The following DNAH17 variants were observed in gnomAD, a reference collection of about 807,000 sequenced individuals.
DNAH17 encodes dynein axonemal heavy chain 17.
Under a neutral mutation model 485.6 loss-of-function variants are expected in DNAH17, and 376 were observed. That is an observed-to-expected ratio of 0.77 (90% CI 0.71 to 0.84). The LOEUF (loss-of-function observed/expected upper bound fraction) is 0.84, where lower values mean the gene tolerates loss of function less well. Ranked by LOEUF, DNAH17 falls within the 40% of genes least tolerant of loss-of-function variation. DNAH17 has a pLI of 0.00. For missense variants in DNAH17, 6,370 were observed against 5,839.3 expected (o/e 1.09, Z -2.96); for synonymous variants, 3,031 against 2,405.9 (o/e 1.26, Z -7.60).
chr17:78,548,003 A>G (rs1268120755), intron 16 of DNAH17, among the ~76,000 whole-genome samples: 1 of 152,080 alleles, frequency 6.6e-6, no homozygotes, highest in African/African-American at 2.4e-5. Flanking sequence ...CCCTTTGCAT[A>G]TTAGCAATTT....
intron 16 of DNAH17, among the ~76,000 whole-genome samples, chr17:78,544,320 G>A (rs2091690866): frequency 6.6e-6 from 1 of 152,336 alleles, no homozygotes; most frequent in African/African-American, 2.4e-5. Flanking sequence ...TCTTTAGGGG[G>A]ACGGAAGGAC....
intron 54 of DNAH17, among the ~76,000 whole-genome samples, chr17:78,474,856 C>T (rs140291784): frequency 1.3e-5 from 2 of 150,668 alleles, no homozygotes; most frequent in South Asian, 2.1e-4. Context: ...CTCAGTCATG[C>T]GGGCCGGAAG....
chr17:78,453,330 GGA>G lies in DNAH17; in HGVS notation c.10529+11_10529+12del. ...TTTACCTGGCTCAAGCCACGGAGGC[GGA>G]AACAACTCACTTTCCCTTTTTAATC... On this transcript the variant is annotated intron_variant, in intron 65 of 80. Coordinates refer to ENST00000389840, the MANE Select transcript of DNAH17 (RefSeq NM_173628.4). 6.2e-7 allele frequency: 1 copy of G among 1,612,124 alleles called. No individual in the cohort carries two copies. The highest frequency in any genetic ancestry group is 8.5e-7 in the Non-Finnish European group (1 of 1,178,978).
At chr17:78,517,219 T>G (rs932415928) in intron 25 of DNAH17, among the ~76,000 whole-genome samples, 13 of 152,032 alleles carry the variant, frequency 8.6e-5, no homozygotes, top group African/African-American at 2.9e-4. Flanking sequence ...AATTTTTATA[T>G]TTTTAGTAGA....
intron 69 of DNAH17, among the ~76,000 whole-genome samples, chr17:78,448,098 G>A (rs955399480): frequency 3.9e-5 from 6 of 151,982 alleles, no homozygotes; most frequent in African/African-American, 7.2e-5. Context: ...CTTGAACCCG[G>A]GAGGTGGAGG....
chr17:78,515,057 T>C, intron 25 of DNAH17, 35 bp from the exon 26 acceptor site: 3 of 1,609,230 alleles, frequency 1.9e-6, no homozygotes, highest in South Asian at 2.2e-5. Flanking sequence ...CCTTCCACTC[T>C]CATCAAGGAG....
At chr17:78,543,792 G>C in intron 17 of DNAH17, 65 bp downstream of exon 17, 1 of 1,608,136 alleles carries the variant, frequency 6.2e-7, no homozygotes, top group Non-Finnish European at 8.5e-7. Context: ...CCAGCCCTGG[G>C]TTTACTCTCT....
chr17:78,570,192 G>A lies in DNAH17; in HGVS notation c.1044+55C>T, dbSNP rs910729736. The stretch of plus-strand genomic sequence containing the variant: ...GGCAGCAGGAAAACAGTGAACCGGG[G>A]AGGGGACCCAGCCAGGAGGGGAGGA... On this transcript the variant is annotated intron_variant, in intron 7 of 80. Coordinates refer to ENST00000389840, the MANE Select transcript of DNAH17 (RefSeq NM_173628.4). 3.3e-6 allele frequency: 5 copies of A among 1,522,420 alleles called. No individual in the cohort carries two copies. In the African/African-American group the frequency reaches 5.5e-5, roughly 17 times the overall value. The allele number at this position is 1,522,420 out of a possible 1,614,324, so 94.3% of individuals were successfully genotyped here. A position where few individuals can be genotyped will look rare whatever the true frequency, so the allele number is the denominator to read the frequency against.
chr17:78,502,344 C>A, intron 33 of DNAH17: 1 of 402,082 alleles, frequency 2.5e-6, no homozygotes, highest in Non-Finnish European at 4.4e-6. Flanking sequence ...TAGCATCTGC[C>A]AATTTTCAGG....
Position 78,460,341 on chromosome 17 carries a change from TGTGCATGTGTGTGCATGTATGCAC to T in DNAH17, c.9340-108_9340-85del, listed in dbSNP as rs372752672. 10 of 936,498 alleles carry T rather than the reference TGTGCATGTGTGTGCATGTATGCAC, an allele frequency of 1.1e-5. No individual in the cohort carries two copies. The African/African-American group carries it at 1.3e-4, about 12-fold the overall frequency. The allele number at this position is 936,498 out of a possible 1,614,324, so 58.0% of individuals were successfully genotyped here. A position where few individuals can be genotyped will look rare whatever the true frequency, so the allele number is the denominator to read the frequency against. The stretch of plus-strand genomic sequence containing the variant: ...GTGTACGTGCATGTGTGTGCATGTG[TGTGCATGTGTGTGCATGTATGCAC>T]GTGCATGAGTGTATGTGTGCATATA... On this transcript the variant is annotated intron_variant, in intron 58 of 80. Transcript: ENST00000389840.
At chr17:78,465,840 C>A (rs551057804) in intron 56 of DNAH17, among the ~76,000 whole-genome samples, 1 of 151,194 alleles carries the variant, frequency 6.6e-6, no homozygotes, top group Non-Finnish European at 1.5e-5. Context: ...CCAGCCGCCC[C>A]GTCCGGGAGG....
chr17:78,498,067 G>A (rs566278973), intron 37 of DNAH17, among the ~76,000 whole-genome samples: 86 of 152,120 alleles, frequency 5.7e-4, no homozygotes, highest in Middle Eastern at 3.4e-3. Flanking sequence ...GCTTAAACCC[G>A]GGAGGCGGAG....
chr17:78,494,080 G>A lies in DNAH17; in HGVS notation c.6364C>T (p.His2122Tyr), dbSNP rs755429292. ...VQLEELLQVR[H>Y]SVFIVGNAGS... ...GCATTCCCGACGATGAACACGGAGT[G>A]GCGGACCTGCAGCAGCTCCTCCAGC... Residue 2122 changes from histidine (H) to tyrosine (Y), a missense_variant, in exon 41 of 81, where the codon CAC (histidine) becomes TAC (tyrosine). His to Tyr is a moderately conservative substitution (Grantham distance 83, BLOSUM62 2). Transcript: ENST00000389840. 1.2e-6 allele frequency: 2 copies of A among 1,612,716 alleles called. No individual in the cohort carries two copies. The highest frequency in any genetic ancestry group is 2.2e-5 in the South Asian group (2 of 91,044).
At chr17:78,494,236 A>AGGCTGGGGGGCTGGGG (rs201388001) in intron 40 of DNAH17, 63 bp from the exon 41 acceptor site, 2 of 1,565,732 alleles carry the variant, frequency 1.3e-6, no homozygotes, top group East Asian at 2.3e-5. Context: ...TCTCGCTGGG[A>AGGCTGGGGGGCTGGGG]GGCTGGGGGG....
chr17:78,500,291 C>T lies in DNAH17; in HGVS notation c.5640+14G>A, dbSNP rs774282535. The T allele has an allele frequency of 6.2e-7, 1 of 1,604,696 alleles. No homozygotes were observed. The highest frequency in any genetic ancestry group is 2.3e-5 in the East Asian group (1 of 44,358). ...GAAGACTCTGGGTCCCTCCTCCGGA[C>T]CCCGGCCGCGTACCTTGTAGTCCAT... is the stretch of plus-strand genomic sequence containing the variant. On this transcript the variant is annotated intron_variant, in intron 36 of 80. Transcript: ENST00000389840.
chr17:78,491,591 G>A, intron 42 of DNAH17, 21 bp from the exon 43 acceptor site: 2 of 1,611,908 alleles, frequency 1.2e-6, no homozygotes, highest in Non-Finnish European at 1.7e-6. Context: ...CGCGTGGTAT[G>A]ACCCCGGGCC....
rs1283042067 is a variant in DNAH17, at chr17:78,450,251, C to CA, written c.11040+2dup. Reference sequence around the variant, plus strand: ...GGCACCCAGCCCCAGCTGCAGGGCGCACCTTGAGGGAGAACTGGTAGACGG... The same window carrying CA: ...GGCACCCAGCCCCAGCTGCAGGGCGCAACCTTGAGGGAGAACTGGTAGACGG... On this transcript the variant is annotated splice_region_variant and intron_variant, in intron 68 of 80. Coordinates refer to ENST00000389840, the MANE Select transcript of DNAH17 (RefSeq NM_173628.4). The CA allele has an allele frequency of 6.2e-7, 1 of 1,613,678 alleles. No individual in the cohort carries two copies. The highest frequency in any genetic ancestry group is 8.5e-7 in the Non-Finnish European group (1 of 1,179,750).
intron 71 of DNAH17, among the ~76,000 whole-genome samples, chr17:78,443,438 C>T (rs1374331539): frequency 2.0e-5 from 3 of 152,202 alleles, no homozygotes; most frequent in African/African-American, 4.8e-5. Flanking sequence ...TCATTCCACC[C>T]CCTCCTCCCC....
chr17:78,476,777 G>A, intron 51 of DNAH17, 44 bp from the exon 52 acceptor site: 1 of 1,588,820 alleles, frequency 6.3e-7, no homozygotes, highest in South Asian at 1.2e-5. Flanking sequence ...CTGTTACGAA[G>A]GCGAGCCCAG....
Sources: allele counts gnomAD v4.1 joint callset (sites outside exome capture counted in the v4.1 genomes callset), GRCh38; gene constraint gnomAD v4.1.1; transcripts MANE v1.5; gene names NCBI Gene and HGNC (gene_info 2026-07-23, HGNC 2026-07-21).